ERBIN: variants seen among roughly 807,000 people sequenced by gnomAD.
ERBIN encodes densin-180-like protein.
ERBIN carries 60 observed loss-of-function variants against 158.4 expected under a neutral mutation model. The observed-to-expected ratio is 0.38, with a 90% confidence interval of 0.31 to 0.47. The LOEUF (loss-of-function observed/expected upper bound fraction) is 0.47. Among genes scored for constraint, ERBIN ranks in the 20% least tolerant of loss-of-function variants. The probability of loss-of-function intolerance (pLI) is 0.99; values close to 1 mark genes in which losing one functional copy is unlikely to be tolerated. For synonymous variants in ERBIN, 594 were observed against 557.2 expected, an observed-to-expected ratio of 1.07 and a Z score of -0.93; for missense variants, 1,610 against 1,648.0, an observed-to-expected ratio of 0.98 and a Z score of 0.40.
intron 14 of ERBIN, among the ~76,000 whole-genome samples, chr5:66,033,578 A>G (rs1757105643): frequency 6.6e-6 from 1 of 152,238 alleles, no homozygotes; most frequent in Admixed American, 6.5e-5. Flanking sequence ...TATATTTGGC[A>G]GCTAGCTAAA....
In ERBIN at chr5:66,065,763, A is replaced by G. The variant is rs142057041; in HGVS notation, c.3634-6406A>G. Among the ~76,000 whole-genome samples, 462 of 152,126 alleles carry G rather than the reference A, an allele frequency of 3.0e-3. 2 individuals carry two copies. The highest frequency in any genetic ancestry group is 8.0e-3 in the African/African-American group (331 of 41,506). On this transcript the variant is annotated intron_variant, in intron 21 of 25. Transcript: ENST00000284037. The stretch of plus-strand genomic sequence containing the variant: ...AAGTAATTTTCCCAGGATGATATAT[A>G]TGTTATGTGAAGGAGGGGGAACAAC...
chr5:65,963,244 A>G (rs528690495), intron 1 of ERBIN, among the ~76,000 whole-genome samples: 80 of 152,314 alleles, frequency 5.3e-4, no homozygotes, highest in Non-Finnish European at 5.3e-4. Context: ...GTAGTTTCCT[A>G]TATGCATTGG....
intron 14 of ERBIN, among the ~76,000 whole-genome samples, chr5:66,036,098 A>C (rs1757369480): frequency 6.6e-6 from 1 of 152,206 alleles, no homozygotes; most frequent in South Asian, 2.1e-4. Context: ...TCTCTTAAAA[A>C]GAAAAGAAAA....
At position 65,973,561 on chromosome 5, in the gene ERBIN, T is replaced by A. The variant is rs1431897466; in HGVS notation, c.-57-15074T>A. On this transcript the variant is annotated intron_variant, in intron 1 of 25. Transcript: ENST00000284037. Reference sequence around the variant, plus strand: ...GGCACTCACATCTAGGATTCTCAAATCAGGTCATGCTTTTCAACAGGTCTG... The same window carrying A: ...GGCACTCACATCTAGGATTCTCAAAACAGGTCATGCTTTTCAACAGGTCTG... Among the ~76,000 whole-genome samples the A allele has an allele frequency of 3.3e-5, 5 of 151,374 alleles. 1 individual carries two copies. Among genetic ancestry groups the A allele is most frequent in the African/African-American group, 1.2e-4 (5 of 40,704 alleles).
chr5:66,015,119 T>C (rs963958400), intron 7 of ERBIN, among the ~76,000 whole-genome samples: 1 of 152,150 alleles, frequency 6.6e-6, no homozygotes, highest in African/African-American at 2.4e-5. Context: ...TAGAACTTGA[T>C]TGTCTGGCTA....
intron 21 of ERBIN, among the ~76,000 whole-genome samples, chr5:66,070,833 A>G (rs60318739): frequency 1.3e-5 from 2 of 152,320 alleles, no homozygotes; most frequent in East Asian, 3.9e-4. Flanking sequence ...CCTTAACTCT[A>G]TATGTATGCT....
Position 65,992,855 on chromosome 5 carries a change from A to G in ERBIN, c.137A>G (p.Lys46Arg). 1 of 1,613,332 alleles carries G rather than the reference A, an allele frequency of 6.2e-7. No homozygotes were observed. Among genetic ancestry groups the G allele is most frequent in the Non-Finnish European group, 8.5e-7 (1 of 1,179,724 alleles). ...QVPKEIFTFE[K>R]TLEELYLDAN... ...CCGAAAGAGATTTTTACTTTTGAAA[A>G]AACCTTGGAGGAACTCTATTTAGAT... Residue 46 changes from lysine to arginine, a missense_variant, in exon 3 of 26, where the codon AAA (lysine) becomes AGA (arginine). By Grantham distance (26) the Lys-to-Arg change is conservative. Coordinates refer to ENST00000284037, the MANE Select transcript of ERBIN (RefSeq NM_001253697.2).
intron 19 of ERBIN, among the ~76,000 whole-genome samples, chr5:66,049,172 A>G (rs1395349768): frequency 6.6e-6 from 1 of 152,058 alleles, no homozygotes; most frequent in Admixed American, 6.5e-5. Flanking sequence ...ACAGTACCTT[A>G]TGTATAGTAG....
chr5:65,949,502 G>A (rs900617416), intron 1 of ERBIN, among the ~76,000 whole-genome samples: 1 of 152,228 alleles, frequency 6.6e-6, no homozygotes, highest in Non-Finnish European at 1.5e-5. Context: ...TGGGATATGA[G>A]TGCTGCTGTC....
chr5:66,065,588 G>T (rs1245300554), intron 21 of ERBIN, among the ~76,000 whole-genome samples: 1 of 133,282 alleles, frequency 7.5e-6, no homozygotes, highest in Admixed American at 7.7e-5. Context: ...GATTAATTTT[G>T]ACCTGTGTGT....
chr5:65,961,810 CTT>C (rs200202510), intron 1 of ERBIN, among the ~76,000 whole-genome samples: 2 of 151,946 alleles, frequency 1.3e-5, no homozygotes, highest in African/African-American at 4.8e-5. Flanking sequence ...GGGGAGGGTG[CTT>C]TTTGGTTTTG....
At chr5:65,980,243 C>G (rs781009199) in intron 1 of ERBIN, among the ~76,000 whole-genome samples, 1 of 152,024 alleles carries the variant, frequency 6.6e-6, no homozygotes, top group Admixed American at 6.6e-5. Flanking sequence ...TGGGGAAACC[C>G]TGTCTCTACT....
rs77264559 is a variant in ERBIN, at chr5:66,033,749, G to A, written c.1207-4634G>A. ...ATTGATAGCTAGCAGCAGGAAAAGC[G>A]CAGGGATCCTTTAATATTGCAGAGC... On this transcript the variant is annotated intron_variant, in intron 14 of 25. Coordinates refer to ENST00000284037, the MANE Select transcript of ERBIN (RefSeq NM_001253697.2). Among the ~76,000 whole-genome samples the A allele has an allele frequency of 5.9e-4, 90 of 152,272 alleles. No individual in the cohort carries two copies. The East Asian group carries it at 0.014, about 23-fold the overall frequency.
chr5:66,076,539 T>C (rs2151309723), intron 24 of ERBIN, 131 bp downstream of exon 24: 2 of 730,266 alleles, frequency 2.7e-6, no homozygotes, highest in Middle Eastern at 3.2e-4. Flanking sequence ...CCCCACTCTA[T>C]TGCTTACCTT....
chr5:66,035,466 C>G (rs1757306555), intron 14 of ERBIN, among the ~76,000 whole-genome samples: 2 of 152,160 alleles, frequency 1.3e-5, no homozygotes, highest in Admixed American at 1.3e-4. Context: ...GATAGACAAG[C>G]CCTATTGAAT....
intron 1 of ERBIN, among the ~76,000 whole-genome samples, chr5:65,945,159 T>G (rs1157630584): frequency 1.3e-5 from 2 of 152,214 alleles, no homozygotes; most frequent in African/African-American, 2.4e-5. Context: ...TGTATGCAGG[T>G]TTCTCTTTTG....
At chr5:65,970,921 C>A (rs1749177237) in intron 1 of ERBIN, among the ~76,000 whole-genome samples, 1 of 152,232 alleles carries the variant, frequency 6.6e-6, no homozygotes, top group East Asian at 1.9e-4. Flanking sequence ...GAGGCAGGGA[C>A]CATTTATCTT....
intron 24 of ERBIN, 149 bp from the exon 25 acceptor site, chr5:66,076,726 T>G: frequency 1.6e-6 from 1 of 638,386 alleles, no homozygotes; most frequent in Non-Finnish European, 2.8e-6. Flanking sequence ...TAAAAATAAC[T>G]AGTTTGTTAC....
At chr5:65,989,306 C>A (rs1751607344) in intron 2 of ERBIN, among the ~76,000 whole-genome samples, 1 of 152,192 alleles carries the variant, frequency 6.6e-6, no homozygotes, top group African/African-American at 2.4e-5. Flanking sequence ...AGGTTCTCAG[C>A]CTTTCTTATC....
Sources: gnomAD v4.1 joint callset for allele counts (sites outside exome capture counted in the v4.1 genomes callset) on GRCh38, gnomAD v4.1.1 for gene constraint, MANE v1.5 for transcripts, NCBI Gene and HGNC (gene_info 2026-07-23, HGNC 2026-07-21) for gene names.